ACSL6: variants seen among roughly 807,000 people sequenced by gnomAD.
ACSL6 encodes acyl-CoA synthetase long chain family member 6.
In ACSL6, 47 loss-of-function variants were observed where a neutral mutation model predicts 98.2. The observed-to-expected ratio is 0.48, with a 90% confidence interval of 0.38 to 0.61. The LOEUF (loss-of-function observed/expected upper bound fraction) is 0.61, where lower values mean the gene tolerates loss of function less well. Ranked by LOEUF, ACSL6 falls within the 20% of genes least tolerant of loss-of-function variation. The pLI, the probability that ACSL6 is intolerant of heterozygous loss-of-function variation, is 0.00. For synonymous variants in ACSL6, 362 were observed against 336.9 expected (o/e 1.07, Z -0.82); for missense variants, 761 against 913.4 (o/e 0.83, Z 2.15).
At chr5:131,975,618 G>A in intron 10 of ACSL6, 4 of 985,236 alleles carry the variant, frequency 4.1e-6, no homozygotes, top group Admixed American at 6.1e-5. Flanking sequence ...TGGAACCAGG[G>A]CCTTAAAGAG....
chr5:131,973,565 C>T, intron 11 of ACSL6, 165 bp from the exon 12 acceptor site: 1 of 581,656 alleles, frequency 1.7e-6, no homozygotes, highest in South Asian at 3.0e-5. Flanking sequence ...AGGTGACCCC[C>T]ACCCCCTCAC....
chr5:131,979,835 C>T (rs1753802252), intron 9 of ACSL6, among the ~76,000 whole-genome samples: 1 of 152,176 alleles, frequency 6.6e-6, no homozygotes, highest in Non-Finnish European at 1.5e-5. Context: ...GTATGAGACC[C>T]ACTGTCTATT....
At chr5:131,986,726 C>T (rs1301603012) in intron 8 of ACSL6, 96 bp downstream of exon 8, 2 of 1,478,528 alleles carry the variant, frequency 1.4e-6, no homozygotes, top group Non-Finnish European at 1.9e-6. Flanking sequence ...TGCTTATTAA[C>T]ACAGAGGTGC....
intron 17 of ACSL6, among the ~76,000 whole-genome samples, chr5:131,964,523 A>G (rs1291949301): frequency 6.6e-6 from 1 of 152,236 alleles, no homozygotes; most frequent in African/African-American, 2.4e-5. Context: ...TTTGCTTCAT[A>G]TTACCCCCTA....
At chr5:131,971,853 C>T (rs905199843) in intron 13 of ACSL6, among the ~76,000 whole-genome samples, 5 of 152,178 alleles carry the variant, frequency 3.3e-5, no homozygotes, top group Non-Finnish European at 7.4e-5. Flanking sequence ...CTCTGCAGCT[C>T]AATCCACCAT....
At chr5:131,999,014 C>A (rs527933209) in intron 1 of ACSL6, among the ~76,000 whole-genome samples, 1 of 152,230 alleles carries the variant, frequency 6.6e-6, no homozygotes, top group Non-Finnish European at 1.5e-5. Context: ...GTCTTCAAAA[C>A]GGGTGGGGAA....
At chr5:131,965,973 G>C (rs1219702358) in intron 17 of ACSL6, among the ~76,000 whole-genome samples, 6 of 152,190 alleles carry the variant, frequency 3.9e-5, no homozygotes, top group Non-Finnish European at 8.8e-5. Flanking sequence ...CAAAGCCACA[G>C]GAACTAAGGC....
chr5:131,989,432 C>T lies in ACSL6; in HGVS notation c.527G>A (p.Gly176Asp). The change falls in exon 5 of 21, where the codon GGT becomes GAT. Residue 176 changes from glycine (G) to aspartate (D), a missense_variant. Physicochemically the swap from Gly to Asp is moderately conservative, Grantham distance 94. Transcript: ENST00000651883. ...NCKACTDQFI[G>D]VFAQNRPEWI... ...CTCTGGCCGATTTTGTGCAAAAACACCAATAAACTGATCAGTGCATGCTTT... is the reference window on the plus strand; with the variant it reads ...CTCTGGCCGATTTTGTGCAAAAACATCAATAAACTGATCAGTGCATGCTTT... 1 of 1,614,050 alleles carries T rather than the reference C, an allele frequency of 6.2e-7. No individual in the cohort carries two copies. The highest frequency in any genetic ancestry group is 2.2e-5 in the East Asian group (1 of 44,886).
At chr5:131,985,340 T>C (rs1754117921) in intron 9 of ACSL6, 67 bp downstream of exon 9, 5 of 1,588,976 alleles carry the variant, frequency 3.1e-6, no homozygotes, top group Admixed American at 3.4e-5. Flanking sequence ...ACTCCAGCAG[T>C]CACCTGCTAG....
At chr5:131,987,381 G>T (rs1422695588) in intron 7 of ACSL6, among the ~76,000 whole-genome samples, 1 of 152,240 alleles carries the variant, frequency 6.6e-6, no homozygotes, top group Non-Finnish European at 1.5e-5. Context: ...GGGCAGGTGG[G>T]GGCTGCCAGT....
chr5:131,988,849 T>C lies in ACSL6; in HGVS notation c.608A>G (p.Tyr203Cys), dbSNP rs754140928. ...GATAGCCCCAGGGCCCAGGGTGTCA[T>C]AGAGCGGGACCACCACCATGGAATA... ...YTYSMVVVPL[Y>C]DTLGPGAIRY... Residue 203 changes from tyrosine to cysteine, a missense_variant, in exon 6 of 21, where the codon TAT (tyrosine) becomes TGT (cysteine). Physicochemically the swap from Tyr to Cys is radical, Grantham distance 194. Coordinates refer to ENST00000651883, the MANE Select transcript of ACSL6 (RefSeq NM_001009185.3). 5.0e-6 allele frequency: 8 copies of C among 1,612,400 alleles called. No individual in the cohort carries two copies. The highest frequency in any genetic ancestry group is 5.9e-6 in the Non-Finnish European group (7 of 1,179,700).
chr5:131,981,132 C>A (rs1010997727), intron 9 of ACSL6, among the ~76,000 whole-genome samples: 14 of 152,104 alleles, frequency 9.2e-5, no homozygotes, highest in African/African-American at 2.9e-4. Context: ...CTCCTTTCTC[C>A]CCCACCCACA....
At chr5:131,990,706 G>C in intron 3 of ACSL6, 147 bp downstream of exon 3, 1 of 696,240 alleles carries the variant, frequency 1.4e-6, no homozygotes, top group African/African-American at 1.8e-5. Flanking sequence ...TGACTGGTGG[G>C]AGAAAGGCCA....
chr5:131,995,393 T>A (rs373121470), intron 1 of ACSL6, among the ~76,000 whole-genome samples: 1 of 152,106 alleles, frequency 6.6e-6, no homozygotes, highest in East Asian at 1.9e-4. Flanking sequence ...GCATCCCCAA[T>A]GGGACCCCCT....
At chr5:131,956,903 C>T (rs1056600559) in intron 20 of ACSL6, among the ~76,000 whole-genome samples, 3 of 152,044 alleles carry the variant, frequency 2.0e-5, no homozygotes, top group African/African-American at 7.2e-5. Flanking sequence ...AGGGAGATGC[C>T]TAATGTTAGC....
intron 7 of ACSL6, among the ~76,000 whole-genome samples, chr5:131,987,122 A>C (rs888219916): frequency 1.3e-5 from 2 of 152,186 alleles, no homozygotes; most frequent in African/African-American, 2.4e-5. Context: ...GCCTCTTCTC[A>C]GACAGACATC....
chr5:132,009,368 C>T (rs1323393222), intron 1 of ACSL6, among the ~76,000 whole-genome samples: 2 of 152,300 alleles, frequency 1.3e-5, no homozygotes, highest in South Asian at 2.1e-4. Flanking sequence ...TGGCAGCTGC[C>T]GTGGGACCAT....
chr5:131,971,720 G>T, intron 13 of ACSL6, 75 bp from the exon 14 acceptor site: 1 of 1,317,248 alleles, frequency 7.6e-7, no homozygotes, highest in South Asian at 1.6e-5. Flanking sequence ...TTTCATCCAA[G>T]GTCAACATCC....
rs1752258380 is a variant in ACSL6, at chr5:131,953,674, A to G, written c.*560T>C. 1 of 190,144 alleles carries G rather than the reference A, an allele frequency of 5.3e-6. No individual in the cohort carries two copies. Among genetic ancestry groups the G allele is most frequent in the Admixed American group, 6.2e-5 (1 of 16,222 alleles). 11.8% of individuals were successfully genotyped at this position (190,144 alleles called of 1,614,324 possible). A position where few individuals can be genotyped will look rare whatever the true frequency, so the allele number is the denominator to read the frequency against. On this transcript the variant is annotated 3_prime_UTR_variant, in exon 21 of 21. Coordinates refer to ENST00000651883, the MANE Select transcript of ACSL6 (RefSeq NM_001009185.3). ...AATGAAAGTAAAAATCAGAGAGAAA[A>G]TTTTCACATATGACAATGTGGATTG...
Sources: gnomAD v4.1 joint callset for allele counts (sites outside exome capture counted in the v4.1 genomes callset) on GRCh38, gnomAD v4.1.1 for gene constraint, MANE v1.5 for transcripts, NCBI Gene and HGNC (gene_info 2026-07-23, HGNC 2026-07-21) for gene names.